Variants in ARHGEF3 observed in about 807,000 individuals in gnomAD.
ARHGEF3 encodes the protein Rho guanine nucleotide exchange factor 3.
In ARHGEF3, 28 loss-of-function variants were observed where a neutral mutation model predicts 63.2. The ratio of observed to expected loss-of-function variants is 0.44; its 90% CI spans 0.33 to 0.61. The LOEUF (loss-of-function observed/expected upper bound fraction) is 0.61, where lower values mean the gene tolerates loss of function less well. ARHGEF3 is among the 20% of genes least tolerant of loss of function. The pLI is 0.03. For synonymous variants in ARHGEF3, 266 were observed against 254.2 expected (o/e 1.05, Z -0.44); for missense variants, 533 against 659.3 (o/e 0.81, Z 2.10).
intron 2 of ARHGEF3, among the ~76,000 whole-genome samples, chr3:57,011,058 G>A (rs900786497): frequency 1.3e-5 from 2 of 152,200 alleles, no homozygotes; most frequent in African/African-American, 2.4e-5. Context: ...GCTCCCGCCC[G>A]CTTCCATAGT....
chr3:56,860,773 T>C lies in ARHGEF3; in HGVS notation c.192+21519A>G, dbSNP rs539018735. On this transcript the variant is annotated intron_variant, in intron 4 of 12. Coordinates refer to the ARHGEF3 transcript ENST00000338458. ...GTTACTGGAGAGTTTGACTAAGGAG[T>C]GTAATCTGATTTATGTTTCTAAAAA... is the stretch of plus-strand genomic sequence containing the variant. Among the ~76,000 whole-genome samples, 13 of 152,052 alleles carry C rather than the reference T, an allele frequency of 8.5e-5. No individual in the cohort carries two copies. The South Asian group carries it at 2.1e-3, about 24-fold the overall frequency.
At chr3:56,968,205 A>T (rs866546421) in intron 2 of ARHGEF3, among the ~76,000 whole-genome samples, 3,302 of 20,562 alleles carry the variant, frequency 0.16, 374 homozygotes, top group Non-Finnish European at 0.28. Context: ...ATAATATATA[A>T]AAATATATAT....
intron 4 of ARHGEF3, among the ~76,000 whole-genome samples, chr3:56,847,917 T>G (rs2039543099): frequency 6.6e-6 from 1 of 152,138 alleles, no homozygotes; most frequent in East Asian, 1.9e-4. Flanking sequence ...CCCTGCTTAC[T>G]CAGTGTAGAG....
intron 4 of ARHGEF3, among the ~76,000 whole-genome samples, chr3:56,845,726 C>T (rs2039466969): frequency 6.6e-6 from 1 of 152,138 alleles, no homozygotes; most frequent in African/African-American, 2.4e-5. Context: ...ATTAAAATAC[C>T]ATTCCAATCA....
At chr3:56,902,331 C>T (rs897623044) in intron 3 of ARHGEF3, among the ~76,000 whole-genome samples, 5 of 151,774 alleles carry the variant, frequency 3.3e-5, no homozygotes, top group South Asian at 2.1e-4. Context: ...TGTGTGTGCG[C>T]GCGTGTGTGG....
intron 2 of ARHGEF3, among the ~76,000 whole-genome samples, chr3:57,005,315 TTGAGGCACAGAGCA>T (rs1702426442): frequency 6.6e-6 from 1 of 152,114 alleles, no homozygotes; most frequent in Non-Finnish European, 1.5e-5. Flanking sequence ...GATGAGGAAA[TTGAGGCACAGAGCA>T]TAAAGTAGCT....
intron 6 of ARHGEF3, among the ~76,000 whole-genome samples, chr3:56,748,227 G>A (rs187801079): frequency 2.5e-4 from 38 of 152,136 alleles, no homozygotes; most frequent in East Asian, 1.9e-4. Flanking sequence ...ACAGGGTTTC[G>A]CCATGTTGCC....
intron 3 of ARHGEF3, among the ~76,000 whole-genome samples, chr3:56,943,770 C>T (rs1699308832): frequency 6.6e-6 from 1 of 152,030 alleles, no homozygotes; most frequent in Non-Finnish European, 1.5e-5. Flanking sequence ...CAAACATTAG[C>T]CAGGTGTGGT....
chr3:56,923,022 CTAAATATATATATATATATA>C, intron 3 of ARHGEF3, among the ~76,000 whole-genome samples: 2 of 109,854 alleles, frequency 1.8e-5, no homozygotes, highest in African/African-American at 8.0e-5. Flanking sequence ...CCCATCTCTA[CTAAATATATATATATATATA>C]TATATATATA....
intron 2 of ARHGEF3, among the ~76,000 whole-genome samples, chr3:57,001,962 T>C (rs555360405): frequency 6.9e-5 from 10 of 144,612 alleles, no homozygotes; most frequent in African/African-American, 1.8e-4. Flanking sequence ...CTCACTCTGT[T>C]GCCCAGGCTG....
intron 3 of ARHGEF3, among the ~76,000 whole-genome samples, chr3:56,885,167 G>A (rs750196882): frequency 1.6e-4 from 24 of 152,260 alleles, no homozygotes; most frequent in Middle Eastern, 3.4e-3. Flanking sequence ...CAGCATGGGC[G>A]TCCTGCTGCC....
chr3:56,879,886 T>C (rs570586288), intron 4 of ARHGEF3, among the ~76,000 whole-genome samples: 1 of 152,246 alleles, frequency 6.6e-6, no homozygotes, highest in Non-Finnish European at 1.5e-5. Flanking sequence ...CATCTTCTCC[T>C]GTGTGGCTCT....
At chr3:57,072,081 AC>A (rs747048129) in intron 1 of ARHGEF3, among the ~76,000 whole-genome samples, 80 of 152,308 alleles carry the variant, frequency 5.3e-4, no homozygotes, top group Non-Finnish European at 2.6e-4. Flanking sequence ...GCCACTTCAT[AC>A]CCACTTAGGA....
intron 1 of ARHGEF3, among the ~76,000 whole-genome samples, chr3:56,795,534 C>T (rs570102912): frequency 1.3e-5 from 2 of 152,184 alleles, no homozygotes; most frequent in South Asian, 4.1e-4. Flanking sequence ...CAAAAGGACA[C>T]AATGGTCCAA....
chr3:57,071,381 G>T (rs1373277772), intron 1 of ARHGEF3, among the ~76,000 whole-genome samples: 1 of 152,106 alleles, frequency 6.6e-6, no homozygotes, highest in Non-Finnish European at 1.5e-5. Flanking sequence ...TAGGCATATG[G>T]CTGGGCGTGG....
At chr3:56,923,072 ATAT>A (rs1560053955) in intron 3 of ARHGEF3, among the ~76,000 whole-genome samples, 47 of 88,996 alleles carry the variant, frequency 5.3e-4, no homozygotes, top group African/African-American at 1.9e-3. Context: ...ATATATATAT[ATAT>A]AAATTAGTTG....
chr3:56,776,765 C>T (rs1226787738), intron 1 of ARHGEF3, among the ~76,000 whole-genome samples: 3 of 152,150 alleles, frequency 2.0e-5, no homozygotes, highest in Non-Finnish European at 1.5e-5. Context: ...CAGAACACAA[C>T]CTGCAGGGAC....
At chr3:56,971,095 T>C (rs1700889543) in intron 2 of ARHGEF3, among the ~76,000 whole-genome samples, 1 of 152,190 alleles carries the variant, frequency 6.6e-6, no homozygotes, top group Non-Finnish European at 1.5e-5. Context: ...ACTGCACTCC[T>C]TGCAGCTAAT....
chr3:56,842,021 T>A (rs900597089), intron 4 of ARHGEF3, among the ~76,000 whole-genome samples: 8 of 152,204 alleles, frequency 5.3e-5, no homozygotes, highest in African/African-American at 1.9e-4. Context: ...CTTAAGTAAT[T>A]CTGAAAAATG....
Sources: allele counts gnomAD v4.1 joint callset (sites outside exome capture counted in the v4.1 genomes callset), GRCh38; gene constraint gnomAD v4.1.1; transcripts MANE v1.5; gene names NCBI Gene and HGNC (gene_info 2026-07-23, HGNC 2026-07-21).